SEC24A: variants seen among roughly 807,000 people sequenced by gnomAD.
SEC24A encodes protein transport protein Sec24A.
A neutral mutation model predicts 129.4 loss-of-function variants in SEC24A; 93 were observed. The observed-to-expected ratio is 0.72, with a 90% CI of 0.61 to 0.85. SEC24A has a LOEUF of 0.85. SEC24A is among the 40% of genes least tolerant of loss of function. The probability of loss-of-function intolerance (pLI) is 0.00; values close to 1 mark genes in which losing one functional copy is unlikely to be tolerated. For missense variants in SEC24A, 1,264 were observed against 1,307.4 expected (o/e 0.97, Z 0.51); for synonymous variants, 460 against 467.3 (o/e 0.98, Z 0.20).
In SEC24A at chr5:134,661,372, T is replaced by A; in HGVS notation, c.351T>A (p.Ala117=). ...RMPLPASQNP[A]TTPMPSSSFL... is the part of the protein sequence containing the mutation. ...CATTACCTGCTTCTCAGAACCCAGC[T>A]ACTACACCAATGCCTTCTAGTAGCT... is the stretch of plus-strand genomic sequence containing the variant. Residue 117 remains alanine, a synonymous_variant, in exon 2 of 23, where the codon GCT becomes GCA. Transcript: ENST00000398844. 6.2e-7 allele frequency: 1 copy of A among 1,614,226 alleles called. No individual in the cohort carries two copies. The highest frequency in any genetic ancestry group is 8.5e-7 in the Non-Finnish European group (1 of 1,180,042).
chr5:134,696,361 T>C lies in SEC24A; in HGVS notation c.1987-765T>C, dbSNP rs187889281. ...AAGTAAGTATTACATATGAATTGTTTAGAACAGTTTCCAGCATACTGAACA... is the reference window on the plus strand; with the variant it reads ...AAGTAAGTATTACATATGAATTGTTCAGAACAGTTTCCAGCATACTGAACA... On this transcript the variant is annotated intron_variant, in intron 13 of 22. Transcript: ENST00000398844. 1.3e-4 allele frequency among the ~76,000 whole-genome samples: 20 copies of C among 152,236 alleles called. No individual in the cohort carries two copies. In the East Asian group the frequency reaches 3.7e-3, roughly 28 times the overall value.
In SEC24A at chr5:134,679,740, T is replaced by C. The variant is rs764860608; in HGVS notation, c.1381+12T>C. The C allele has an allele frequency of 1.9e-6, 3 of 1,556,752 alleles. No homozygotes were observed. Among genetic ancestry groups the C allele is most frequent in the Non-Finnish European group, 2.6e-6 (3 of 1,143,742 alleles). On this transcript the variant is annotated intron_variant, in intron 8 of 22. Transcript: ENST00000398844. ...TCGAGTCAATGATGGTATGGGATGC[T>C]TTTTTGAAACATTTAAACGTTTCTA... is the stretch of plus-strand genomic sequence containing the variant.
chr5:134,676,732 G>A (rs548889747), intron 7 of SEC24A, among the ~76,000 whole-genome samples: 9 of 152,106 alleles, frequency 5.9e-5, no homozygotes, highest in Admixed American at 2.6e-4. Flanking sequence ...CACTACACCC[G>A]GCCTCTTTAG....
chr5:134,703,127 C>T (rs1368852923), intron 15 of SEC24A, among the ~76,000 whole-genome samples: 1 of 152,048 alleles, frequency 6.6e-6, no homozygotes, highest in Non-Finnish European at 1.5e-5. Context: ...ACACACCAGT[C>T]TACTTGAAAT....
chr5:134,697,894 T>C lies in SEC24A; in HGVS notation c.2108-5T>C, dbSNP rs771540296. ...CAGTTTAAAACAGTGTGTGTTCTCT[T>C]CCAGGTTGTATTTCTCGGTATTCAG... is the stretch of plus-strand genomic sequence containing the variant. On this transcript the variant is annotated splice_polypyrimidine_tract_variant and splice_region_variant and intron_variant, in intron 14 of 22. Coordinates refer to ENST00000398844, the MANE Select transcript of SEC24A (RefSeq NM_021982.3). 13 of 1,610,252 alleles carry C rather than the reference T, an allele frequency of 8.1e-6. No homozygotes were observed. The South Asian group carries it at 1.4e-4, about 18-fold the overall frequency.
chr5:134,688,298 A>T lies in SEC24A; in HGVS notation c.1722A>T (p.Glu574Asp). Residue 574 changes from glutamate to aspartate, a missense_variant and splice_region_variant, in exon 11 of 23, where the codon GAA (glutamate) becomes GAT (aspartate). Physicochemically the swap from Glu to Asp is conservative, Grantham distance 45. Transcript: ENST00000398844. ...AGATGCTAATAGTTTCAGATATTGAAGGTATAGATTTATTGAACTACTTTC... is the reference window on the plus strand; with the variant it reads ...AGATGCTAATAGTTTCAGATATTGATGGTATAGATTTATTGAACTACTTTC... ...QPQMLIVSDI[E>D]DVFIPMPENL... is the part of the protein sequence containing the mutation. 6.6e-7 allele frequency: 1 copy of T among 1,513,244 alleles called. No homozygotes were observed. The highest frequency in any genetic ancestry group is 1.1e-5 in the South Asian group (1 of 87,652). The allele number at this position is 1,513,244 out of a possible 1,614,324, so 93.7% of individuals were successfully genotyped here.
At chr5:134,719,813 A>T (rs1396488218) in intron 20 of SEC24A, among the ~76,000 whole-genome samples, 1 of 151,864 alleles carries the variant, frequency 6.6e-6, no homozygotes, top group Admixed American at 6.6e-5. Flanking sequence ...TGGAGAAACC[A>T]CGTCTCTACT....
At chr5:134,664,802 T>C (rs1404339522) in intron 2 of SEC24A, among the ~76,000 whole-genome samples, 1 of 126,376 alleles carries the variant, frequency 7.9e-6, no homozygotes, top group East Asian at 2.0e-4. Flanking sequence ...CTTTTTTTTT[T>C]TTTTTTTTTT....
intron 15 of SEC24A, among the ~76,000 whole-genome samples, chr5:134,700,969 C>T (rs774476978): frequency 9.9e-5 from 15 of 152,090 alleles, no homozygotes; most frequent in Non-Finnish European, 1.9e-4. Flanking sequence ...CCATCCGCCT[C>T]GGCCTCCCAA....
At chr5:134,652,985 T>C (rs1750116810) in intron 1 of SEC24A, among the ~76,000 whole-genome samples, 2 of 151,636 alleles carry the variant, frequency 1.3e-5, no homozygotes, top group South Asian at 4.1e-4. Context: ...TTTTTTTTTT[T>C]TAGTAGAGAC....
chr5:134,689,884 G>T (rs1216950727), intron 11 of SEC24A, among the ~76,000 whole-genome samples: 1 of 151,056 alleles, frequency 6.6e-6, no homozygotes, highest in African/African-American at 2.4e-5. Flanking sequence ...AAATAAGCAA[G>T]ACACAAACCG....
intron 7 of SEC24A, among the ~76,000 whole-genome samples, chr5:134,677,453 T>G (rs1283396747): frequency 1.3e-5 from 2 of 151,954 alleles, no homozygotes; most frequent in Non-Finnish European, 2.9e-5. Flanking sequence ...TGATATAATT[T>G]TATTGCCTGT....
intron 12 of SEC24A, chr5:134,692,872 GA>G: frequency 1.4e-6 from 1 of 725,024 alleles, no homozygotes; most frequent in East Asian, 2.7e-5. Flanking sequence ...TAGTAGGGTA[GA>G]AAATAAGCAT....
chr5:134,685,745 A>C (rs1169866171), intron 9 of SEC24A, among the ~76,000 whole-genome samples: 1 of 152,154 alleles, frequency 6.6e-6, no homozygotes, highest in East Asian at 1.9e-4. Flanking sequence ...GCACTTTGGG[A>C]GGCAGCGAAG....
At position 134,715,038 on chromosome 5, in the gene SEC24A, TG is replaced by T. The variant is rs763935983; in HGVS notation, c.2745del (p.Thr916GlnfsTer5). The T allele has an allele frequency of 6.2e-7, 1 of 1,613,006 alleles. No homozygotes were observed. Among genetic ancestry groups the T allele is most frequent in the Non-Finnish European group, 8.5e-7 (1 of 1,179,642 alleles). ...ALLKQKSFQT[G>X]TNARLDERIF... ...TTCTGTTACAGAAATCATTCCAGAC[TG>T]GGACAAATGCACGTCTAGATGAACG... On this transcript the variant is annotated frameshift_variant, in exon 19 of 23. Coordinates refer to ENST00000398844, the MANE Select transcript of SEC24A (RefSeq NM_021982.3). LOFTEE classifies it high-confidence loss of function.
intron 20 of SEC24A, among the ~76,000 whole-genome samples, chr5:134,720,358 T>A (rs923510235): frequency 6.6e-6 from 1 of 152,236 alleles, no homozygotes; most frequent in Non-Finnish European, 1.5e-5. Flanking sequence ...TACAGTAGGC[T>A]ATACCATTAA....
chr5:134,661,821 C>CTT (rs70976551), intron 2 of SEC24A, among the ~76,000 whole-genome samples: 5 of 77,840 alleles, frequency 6.4e-5, no homozygotes, highest in African/African-American at 2.3e-4. Flanking sequence ...TCTTTTTTCT[C>CTT]TTTTTTTTTT....
In SEC24A at chr5:134,651,934, C is replaced by CTT. The variant is rs11294954; in HGVS notation, c.97+2777_97+2778dup. On this transcript the variant is annotated intron_variant, in intron 1 of 22. Coordinates refer to ENST00000398844, the MANE Select transcript of SEC24A (RefSeq NM_021982.3). The stretch of plus-strand genomic sequence containing the variant: ...ATGCTTGCATATTCTGTTGAAAACT[C>CTT]TTTTTTTTTTTTTTTTTGATGGAGT... 6.6e-3 allele frequency among the ~76,000 whole-genome samples: 895 copies of CTT among 135,250 alleles called. 10 individuals are homozygous for CTT. Among genetic ancestry groups the CTT allele is most frequent in the Non-Finnish European group, 0.011 (677 of 62,986 alleles). The allele number at this position is 135,250 out of a possible 152,430, so 88.7% of individuals were successfully genotyped here.
chr5:134,723,613 C>CT lies in SEC24A; in HGVS notation c.3113dup (p.Ile1039HisfsTer5). ...ACACCAGAATCTGCCAGAATAATAGCTTTCATCTCTTGGCTTAGAGAGCAG... is the reference window on the plus strand; with the variant it reads ...ACACCAGAATCTGCCAGAATAATAGCTTTTCATCTCTTGGCTTAGAGAGCAG... On this transcript the variant is annotated frameshift_variant, in exon 22 of 23. Transcript: ENST00000398844. LOFTEE classifies it high-confidence loss of function. 6.2e-7 allele frequency: 1 copy of CT among 1,613,440 alleles called. No homozygotes were observed. The highest frequency in any genetic ancestry group is 8.5e-7 in the Non-Finnish European group (1 of 1,179,504).
Sources: gnomAD v4.1 joint callset for allele counts (sites outside exome capture counted in the v4.1 genomes callset) on GRCh38, gnomAD v4.1.1 for gene constraint, MANE v1.5 for transcripts, NCBI Gene and HGNC (gene_info 2026-07-23, HGNC 2026-07-21) for gene names.